PHF12: variants seen among roughly 807,000 people sequenced by gnomAD.
The protein encoded by PHF12 is PHD factor 1.
PHF12 carries 6 observed loss-of-function variants against 99.8 expected under a neutral mutation model. The observed-to-expected ratio is 0.06, with a 90% CI of 0.03 to 0.12. The LOEUF (loss-of-function observed/expected upper bound fraction) is 0.12. Among genes scored for constraint, PHF12 ranks in the 10% least tolerant of loss-of-function variants. PHF12 has a pLI of 1.00. For synonymous variants in PHF12, 480 were observed against 514.9 expected (o/e 0.93, Z 0.92); for missense variants, 954 against 1,300.1 (o/e 0.73, Z 4.09).
chr17:28,949,560 A>G lies in PHF12; in HGVS notation c.248+505T>C. ...TATTGTAAACAGAGAGGCAAAGAAG[A>G]GGCGGACTCGAGAGACACCCTCCAC... On this transcript the variant is annotated intron_variant, in intron 2 of 14. Coordinates refer to ENST00000332830, the MANE Select transcript of PHF12 (RefSeq NM_001033561.2). The surrounding 1 kb of genome is among the most constrained non-coding windows in gnomAD (Gnocchi z 4.6). The G allele has an allele frequency of 6.5e-6, 1 of 154,412 alleles. No homozygotes were observed. Among genetic ancestry groups the G allele is most frequent in the Non-Finnish European group, 1.4e-5 (1 of 69,416 alleles). The allele number at this position is 154,412 out of a possible 1,614,324, so 9.6% of individuals were successfully genotyped here. A position where few individuals can be genotyped will look rare whatever the true frequency, so the allele number is the denominator to read the frequency against.
chr17:28,924,272 C>T lies in PHF12; in HGVS notation c.352G>A (p.Val118Ile), dbSNP rs1567960830. The T allele has an allele frequency of 6.2e-7, 1 of 1,614,240 alleles. No homozygotes were observed. Residue 118 changes from valine to isoleucine, a missense_variant, in exon 4 of 15, where the codon GTC (valine) becomes ATC (isoleucine). By Grantham distance (29) the Val-to-Ile change is conservative. Around this residue, in one of 8 missense-constraint regions of PHF12, gnomAD observed 109 missense variants for 145.4 expected, o/e 0.75. Coordinates refer to ENST00000332830, the MANE Select transcript of PHF12 (RefSeq NM_001033561.2). ...CCAGATTTGTCCACCAGTCCATTGA[C>T]ATGACCCAGCTCCTTTTTCTGCTCT... ...KREQKKELGH[V>I]NGLVDKSGKR...
At chr17:28,936,691 T>C (rs192349126) in intron 2 of PHF12, among the ~76,000 whole-genome samples, 115 of 152,188 alleles carry the variant, frequency 7.6e-4, no homozygotes, top group Non-Finnish European at 1.5e-3. Flanking sequence ...CCTATCATCA[T>C]CTGTATGCCT....
intron 12 of PHF12, 166 bp downstream of exon 12, chr17:28,908,617 G>A (rs2039910021): frequency 3.0e-6 from 2 of 669,908 alleles, no homozygotes; most frequent in Admixed American, 2.6e-5. Flanking sequence ...ACCGTGACTG[G>A]CTGATTGTCT....
At chr17:28,907,830 C>A in intron 12 of PHF12, 158 bp from the exon 13 acceptor site, 1 of 565,802 alleles carries the variant, frequency 1.8e-6, no homozygotes, top group Non-Finnish European at 3.2e-6. Context: ...TATTTTTGAA[C>A]AAAAACTGTT....
intron 2 of PHF12, among the ~76,000 whole-genome samples, chr17:28,948,782 AC>A (rs1352442778): frequency 2.6e-5 from 4 of 152,220 alleles, no homozygotes; most frequent in Non-Finnish European, 5.9e-5. Context: ...AAAAAAGGCA[AC>A]ATCAAACAAC....
chr17:28,927,090 T>TA (rs2040294000), intron 2 of PHF12, 27 bp from the exon 3 acceptor site: 1 of 1,592,306 alleles, frequency 6.3e-7, no homozygotes, highest in African/African-American at 1.3e-5. Flanking sequence ...AGGGCAAGAC[T>TA]AAATAACTAG....
chr17:28,948,877 AC>A (rs2040760553), intron 2 of PHF12, among the ~76,000 whole-genome samples: 1 of 152,228 alleles, frequency 6.6e-6, no homozygotes, highest in Non-Finnish European at 1.5e-5. Context: ...CTGTTGCAGA[AC>A]AACAGAACGA....
chr17:28,934,311 GTTTGGACA>G (rs906719738), intron 2 of PHF12, among the ~76,000 whole-genome samples: 1 of 152,152 alleles, frequency 6.6e-6, no homozygotes, highest in African/African-American at 2.4e-5. Flanking sequence ...GAGCCCCAAA[GTTTGGACA>G]TTTGGTACCT....
In PHF12 at chr17:28,905,862, T is replaced by C; in HGVS notation, c.*321A>G. 4.0e-6 allele frequency: 1 copy of C among 251,174 alleles called. No individual in the cohort carries two copies. Among genetic ancestry groups the C allele is most frequent in the African/African-American group, 2.2e-5 (1 of 45,020 alleles). The allele number at this position is 251,174 out of a possible 1,614,324, so 15.6% of individuals were successfully genotyped here. A position where few individuals can be genotyped will look rare whatever the true frequency, so the allele number is the denominator to read the frequency against. On this transcript the variant is annotated 3_prime_UTR_variant, in exon 15 of 15. Coordinates refer to ENST00000332830, the MANE Select transcript of PHF12 (RefSeq NM_001033561.2). The stretch of plus-strand genomic sequence containing the variant: ...TGGGCGAGGGGGAGGGAGCAGGAGG[T>C]GGGTGGGGAAGGGTTTTGTGTTGGA...
rs1289321568 is a variant in PHF12 at position 28,912,962 on chromosome 17, C to G, written c.1609G>C (p.Ala537Pro). The G allele has an allele frequency of 5.0e-6, 8 of 1,614,112 alleles. No individual in the cohort carries two copies. Among genetic ancestry groups the G allele is most frequent in the Non-Finnish European group, 6.8e-6 (8 of 1,180,054 alleles). ...EKSKKTPCGT[A>P]NGPVNTEVKA... ...ACCTCTGTGTTCACTGGCCCATTGG[C>G]AGTCCCACAAGGGGTTTTCTTGGAT... Residue 537 changes from alanine to proline, a missense_variant, in exon 9 of 15, where the codon GCC becomes CCC. By Grantham distance (27) the Ala-to-Pro change is conservative. This residue lies in a region of PHF12 where 392 missense variants were observed against 423.1 expected (regional missense o/e 0.93). Coordinates refer to ENST00000332830, the MANE Select transcript of PHF12 (RefSeq NM_001033561.2).
Position 28,905,764 on chromosome 17 carries a change from GTAT to G in PHF12, c.*416_*418del, listed in dbSNP as rs1230225698. 6.3e-6 allele frequency: 1 copy of G among 158,028 alleles called. No homozygotes were observed. The highest frequency in any genetic ancestry group is 2.4e-5 in the African/African-American group (1 of 41,628). 9.8% of individuals were successfully genotyped at this position (158,028 alleles called of 1,614,324 possible). A position where few individuals can be genotyped will look rare whatever the true frequency, so the allele number is the denominator to read the frequency against. On this transcript the variant is annotated 3_prime_UTR_variant, in exon 15 of 15. Coordinates refer to ENST00000332830, the MANE Select transcript of PHF12 (RefSeq NM_001033561.2). ...GTATAGATTTTGCTGTATGAAAACT[GTAT>G]TTTTTCTTTTAATATAAAACTATTG...
intron 2 of PHF12, among the ~76,000 whole-genome samples, chr17:28,943,925 GTGTTTTATTCAACACAT>G (rs1301761156): frequency 3.3e-5 from 5 of 152,206 alleles, no homozygotes; most frequent in African/African-American, 1.2e-4. Context: ...GCAAAAACCA[GTGTTTTATTCAACACAT>G]TCATAGTGAC....
intron 11 of PHF12, chr17:28,909,521 A>G (rs1247832024): frequency 6.5e-6 from 1 of 153,284 alleles, no homozygotes; most frequent in Non-Finnish European, 1.5e-5. Flanking sequence ...GCCTAGTGTT[A>G]TTCTATTTCT....
In PHF12 at chr17:28,914,100, T is replaced by C; in HGVS notation, c.1135-63A>G. The stretch of plus-strand genomic sequence containing the variant: ...TAGTTCCAACATGTCTAGTTGATTC[T>C]GCCCTGGTATGCTGTTCTGTCTGTG... On this transcript the variant is annotated intron_variant, in intron 7 of 14. Transcript: ENST00000332830. 2.0e-6 allele frequency: 3 copies of C among 1,496,360 alleles called. No homozygotes were observed. In the South Asian group the frequency reaches 3.8e-5, roughly 19 times the overall value. 92.7% of individuals were successfully genotyped at this position (1,496,360 alleles called of 1,614,324 possible).
At position 28,907,668 on chromosome 17, in the gene PHF12, A is replaced by C. The variant is rs749629069; in HGVS notation, c.2463T>G (p.Ala821=). Residue 821 remains alanine (A), a synonymous_variant, in exon 13 of 15, where the codon GCT becomes GCG. Transcript: ENST00000332830. The stretch of plus-strand genomic sequence containing the variant: ...AGTTTGTAAGGCACACATCCATGTC[A>C]GCTCCTGCAAGGTGGCAGGAGTAGA... ...CYRTLYIGTG[A]DMDVCLTNYG... 1 of 1,613,640 alleles carries C rather than the reference A, an allele frequency of 6.2e-7. No homozygotes were observed. Among genetic ancestry groups the C allele is most frequent in the Admixed American group, 1.7e-5 (1 of 59,996 alleles).
intron 2 of PHF12, among the ~76,000 whole-genome samples, chr17:28,928,819 C>T (rs1202258475): frequency 6.6e-6 from 1 of 151,844 alleles, no homozygotes; most frequent in Non-Finnish European, 1.5e-5. Flanking sequence ...AAAAACAGGC[C>T]AGGCATGGTG....
At position 28,949,067 on chromosome 17, in the gene PHF12, C is replaced by G. The variant is rs1205804864; in HGVS notation, c.248+998G>C. Among the ~76,000 whole-genome samples, 1 of 152,112 alleles carries G rather than the reference C, an allele frequency of 6.6e-6. No individual in the cohort carries two copies. Among genetic ancestry groups the G allele is most frequent in the African/African-American group, 2.4e-5 (1 of 41,402 alleles). On this transcript the variant is annotated intron_variant, in intron 2 of 14. Coordinates refer to ENST00000332830, the MANE Select transcript of PHF12 (RefSeq NM_001033561.2). The surrounding 1 kb of genome is among the most constrained non-coding windows in gnomAD (Gnocchi z 4.6). ...GCGATCAACTCAGGTCCCTCCCTCT[C>G]GGTTCGGTCTCTCCCCTCCTCTCAT...
Position 28,906,408 on chromosome 17 carries a change from G to A in PHF12, c.2790C>T (p.Ser930=). The stretch of plus-strand genomic sequence containing the variant: ...CCCCACTGCCCCCAATCAAGCTCGA[G>A]CTGCTGGCTTTGCAATTGCAGGGTC... ...QRRPCNCKAS[S]SSLIGGSGAG... is the part of the protein sequence containing the mutation. The change falls in exon 15 of 15, where the codon AGC becomes AGT. Residue 930 remains serine, a synonymous_variant. Transcript: ENST00000332830. This position sits in a 1 kb window ranked among gnomAD's most constrained non-coding sequence, Gnocchi z 4.2. 6.2e-7 allele frequency: 1 copy of A among 1,614,224 alleles called. No individual in the cohort carries two copies. The highest frequency in any genetic ancestry group is 8.5e-7 in the Non-Finnish European group (1 of 1,180,054).
At position 28,906,702 on chromosome 17, in the gene PHF12, A is replaced by G; in HGVS notation, c.2680+154T>C. The G allele has an allele frequency of 3.9e-6, 5 of 1,282,360 alleles. No individual in the cohort carries two copies. The South Asian group carries it at 7.4e-5, about 19-fold the overall frequency. 79.4% of individuals were successfully genotyped at this position (1,282,360 alleles called of 1,614,324 possible). A position where few individuals can be genotyped will look rare whatever the true frequency, so the allele number is the denominator to read the frequency against. Reference sequence around the variant, plus strand: ...GGTGTGTACACACATGGGGGTACTCAGCACTTGCTTCTCTGTGGCCTGCCC... The same window carrying G: ...GGTGTGTACACACATGGGGGTACTCGGCACTTGCTTCTCTGTGGCCTGCCC... On this transcript the variant is annotated intron_variant, in intron 14 of 14. Transcript: ENST00000332830. The surrounding 1 kb of genome is among the most constrained non-coding windows in gnomAD (Gnocchi z 4.2).
Sources: gnomAD v4.1 joint callset for allele counts (sites outside exome capture counted in the v4.1 genomes callset) on GRCh38, gnomAD v4.1.1 for gene constraint, gnomAD v4.1.1 regional missense constraint, Gnocchi (gnomAD v3.1) non-coding constraint, MANE v1.5 for transcripts, NCBI Gene and HGNC (gene_info 2026-07-23, HGNC 2026-07-21) for gene names.